PCDHA3: variants seen among roughly 807,000 people sequenced by gnomAD.
PCDHA3 encodes the protein protocadherin alpha 3.
PCDHA3 carries 41 observed loss-of-function variants against 62.2 expected under a neutral mutation model. The ratio of observed to expected loss-of-function variants is 0.66; its 90% CI spans 0.51 to 0.86. PCDHA3 has a LOEUF of 0.86. Ranked by LOEUF, PCDHA3 falls within the 40% of genes least tolerant of loss-of-function variation. PCDHA3 has a pLI of 0.00. For missense variants in PCDHA3, 1,304 were observed against 1,241.2 expected (o/e 1.05, Z -0.76); for synonymous variants, 640 against 555.4 (o/e 1.15, Z -2.14).
At chr5:140,882,492 T>C (rs782572325) in intron 1 of PCDHA3, 1 of 1,614,090 alleles carries the variant, frequency 6.2e-7, no homozygotes, top group South Asian at 1.1e-5. Flanking sequence ...GGGGACCTTC[T>C]GGAGGTAAAT....
At chr5:140,864,577 A>G (rs1554158987) in intron 1 of PCDHA3, 2 of 152,198 alleles carry the variant, frequency 1.3e-5, no homozygotes, top group African/African-American at 4.8e-5. Context: ...TTGTCTTCAC[A>G]ATCTTCAACT....
Position 140,978,953 on chromosome 5 carries a change from G to A in PCDHA3, c.2399G>A (p.Arg800Gln), listed in dbSNP as rs781913955. The A allele has an allele frequency of 1.4e-5, 23 of 1,613,930 alleles. No homozygotes were observed. In the South Asian group the frequency reaches 2.0e-4, roughly 14 times the overall value. Residue 800 changes from arginine to glutamine, a missense_variant, in exon 2 of 4, where the codon CGA becomes CAA. Arg to Gln is a conservative substitution (Grantham distance 43, BLOSUM62 1). Transcript: ENST00000522353. ...DVDVDLSAKP[R>Q]QPNPDWRYSA... ...ACTCTCTTTGTGATTTTGCAGCCAC[G>A]ACAGCCCAACCCTGACTGGCGTTAC...
At chr5:140,841,949 T>A in intron 1 of PCDHA3, 2 of 1,613,920 alleles carry the variant, frequency 1.2e-6, no homozygotes, top group Non-Finnish European at 1.7e-6. Context: ...TGCGCACCAC[T>A]TATTCCTGAC....
intron 1 of PCDHA3, among the ~76,000 whole-genome samples, chr5:140,974,769 T>C (rs1487371754): frequency 6.6e-6 from 1 of 152,238 alleles, no homozygotes; most frequent in Non-Finnish European, 1.5e-5. Context: ...ATTACAGGTA[T>C]GAGCCACTGC....
At position 140,982,508 on chromosome 5, in the gene PCDHA3, G is replaced by A. The variant is rs1586930589; in HGVS notation, c.2487G>A (p.Arg829=). The change falls in exon 3 of 4, where the codon CGG becomes CGA. Residue 829 remains arginine, a synonymous_variant. Transcript: ENST00000522353. The part of the protein sequence containing the change: ...SVHLEEAGIL[R]AGPGGPDQQW... The stretch of plus-strand genomic sequence containing the variant: ...ACCTAGAGGAGGCTGGCATTCTACG[G>A]GCTGGTCCAGGAGGGCCTGATCAGC... The A allele has an allele frequency of 6.2e-7, 1 of 1,614,154 alleles. No individual in the cohort carries two copies. Among genetic ancestry groups the A allele is most frequent in the Non-Finnish European group, 8.5e-7 (1 of 1,180,018 alleles).
chr5:140,961,672 A>T (rs1463428757), intron 1 of PCDHA3, among the ~76,000 whole-genome samples: 2 of 152,182 alleles, frequency 1.3e-5, no homozygotes, highest in East Asian at 3.8e-4. Flanking sequence ...ACCAGTTTTT[A>T]ATTAAGCCGG....
chr5:140,862,824 G>A, intron 1 of PCDHA3: 1 of 571,890 alleles, frequency 1.7e-6, no homozygotes, highest in Non-Finnish European at 3.4e-6. Context: ...AGGTGAGAGC[G>A]CGCGACGCGG....
chr5:140,858,574 T>C (rs1415497561), intron 1 of PCDHA3: 12 of 1,357,674 alleles, frequency 8.8e-6, no homozygotes, highest in Non-Finnish European at 1.0e-5. Context: ...GTGATACCTT[T>C]GTAATATAAT....
chr5:140,871,712 A>G, intron 1 of PCDHA3: 1 of 805,086 alleles, frequency 1.2e-6, no homozygotes, highest in South Asian at 2.2e-5. Context: ...TAAATGTCCT[A>G]TTTCTCTTAA....
In PCDHA3 at chr5:140,938,797, G is replaced by T. The variant is rs76361474; in HGVS notation, c.2395-40152G>T. On this transcript the variant is annotated intron_variant, in intron 1 of 3. Coordinates refer to ENST00000522353, the MANE Select transcript of PCDHA3 (RefSeq NM_018906.3). Reference sequence around the variant, plus strand: ...TTAGTACCTGAATGATGAAATAATCGGTACCACAAACCCCTGTGACATGAG... The same window carrying T: ...TTAGTACCTGAATGATGAAATAATCTGTACCACAAACCCCTGTGACATGAG... Among the ~76,000 whole-genome samples, 827 of 152,042 alleles carry T rather than the reference G, an allele frequency of 5.4e-3. 3 individuals carry two copies. Among genetic ancestry groups the T allele is most frequent in the African/African-American group, 0.019 (796 of 41,444 alleles).
intron 1 of PCDHA3, chr5:140,882,896 T>G (rs1554176010): frequency 6.2e-7 from 1 of 1,614,212 alleles, no homozygotes. Flanking sequence ...GGAACATAGT[T>G]TATTACTGAC....
chr5:140,884,489 T>G, intron 1 of PCDHA3: 1 of 1,613,936 alleles, frequency 6.2e-7, no homozygotes, highest in East Asian at 2.2e-5. Flanking sequence ...CACTCTAGTG[T>G]GCTCCAGCGC....
intron 1 of PCDHA3, chr5:140,871,528 T>G: frequency 2.0e-6 from 3 of 1,530,602 alleles, no homozygotes; most frequent in Non-Finnish European, 2.6e-6. Context: ...TATCAGGAAG[T>G]GTATGTGAAA....
At chr5:140,881,867 G>A (rs2058853547) in intron 1 of PCDHA3, among the ~76,000 whole-genome samples, 1 of 152,166 alleles carries the variant, frequency 6.6e-6, no homozygotes, top group Non-Finnish European at 1.5e-5. Flanking sequence ...TAAATTTGTG[G>A]CAAAATGAAA....
At chr5:140,830,192 A>T in intron 1 of PCDHA3, 2 of 1,613,630 alleles carry the variant, frequency 1.2e-6, no homozygotes, top group Non-Finnish European at 1.7e-6. Flanking sequence ...CGTGTACCTG[A>T]TCATCGCCAT....
chr5:140,893,519 C>T (rs1199543838), intron 1 of PCDHA3, among the ~76,000 whole-genome samples: 1 of 152,084 alleles, frequency 6.6e-6, no homozygotes, highest in African/African-American at 2.4e-5. Flanking sequence ...AGTTGTAGAA[C>T]TCCTTTAAGT....
intron 1 of PCDHA3, among the ~76,000 whole-genome samples, chr5:140,833,764 A>ACACG (rs2150211178): frequency 1.9e-3 from 286 of 152,036 alleles, no homozygotes; most frequent in African/African-American, 6.7e-3. Flanking sequence ...ACACACACAC[A>ACACG]CACCGCTTTC....
chr5:140,914,944 C>CT (rs35695909), intron 1 of PCDHA3, among the ~76,000 whole-genome samples: 3,966 of 128,238 alleles, frequency 0.031, 97 homozygotes, highest in Middle Eastern at 0.041. Context: ...GAAAAGTTGT[C>CT]TTTTTTTTTT....
intron 1 of PCDHA3, chr5:140,848,428 C>G: frequency 6.9e-7 from 1 of 1,450,064 alleles, no homozygotes; most frequent in Middle Eastern, 1.8e-4. Flanking sequence ...ATGGGACTGA[C>G]GAAATCAGAT....
Sources: allele counts gnomAD v4.1 joint callset (sites outside exome capture counted in the v4.1 genomes callset), GRCh38; gene constraint gnomAD v4.1.1; transcripts MANE v1.5; gene names NCBI Gene and HGNC (gene_info 2026-07-23, HGNC 2026-07-21).